The following FBXL17 variants were observed in gnomAD, a reference collection of about 807,000 sequenced individuals.
The protein encoded by FBXL17 is F-box/LRR-repeat protein 17.
FBXL17 carries 22 observed loss-of-function variants against 66.2 expected under a neutral mutation model. That is an observed-to-expected ratio of 0.33 (90% confidence interval 0.24 to 0.47). The LOEUF (loss-of-function observed/expected upper bound fraction) is 0.47, where lower values mean the gene tolerates loss of function less well. FBXL17 is among the 20% of genes least tolerant of loss of function. The pLI is 1.00. For missense variants in FBXL17, 878 were observed against 948.2 expected (o/e 0.93, Z 0.97); for synonymous variants, 474 against 400.5 (o/e 1.18, Z -2.19).
intron 4 of FBXL17, among the ~76,000 whole-genome samples, chr5:108,226,847 A>C (rs1755122673): frequency 6.6e-6 from 1 of 152,180 alleles, no homozygotes; most frequent in African/African-American, 2.4e-5. Flanking sequence ...CTTGCACTGG[A>C]ACTTTCACCA....
At chr5:107,880,234 ATT>A in intron 8 of FBXL17, 1 of 355,586 alleles carries the variant, frequency 2.8e-6, no homozygotes, top group Non-Finnish European at 3.9e-6. Context: ...TGCCTGGCTA[ATT>A]TTTTTTTGTT....
At chr5:107,951,898 G>A (rs1417992906) in intron 7 of FBXL17, among the ~76,000 whole-genome samples, 1 of 152,054 alleles carries the variant, frequency 6.6e-6, no homozygotes, top group Non-Finnish European at 1.5e-5. Context: ...ACCTTTACTT[G>A]TACAAAACCA....
intron 4 of FBXL17, among the ~76,000 whole-genome samples, chr5:108,232,805 A>ATAATATATATATATATAT (rs70996987): frequency 9.5e-6 from 1 of 105,166 alleles, no homozygotes; most frequent in East Asian, 2.5e-4. Flanking sequence ...ATATATATAT[A>ATAATATATATATATATAT]ATATATACTA....
intron 6 of FBXL17, among the ~76,000 whole-genome samples, chr5:108,070,194 C>A (rs965402392): frequency 6.6e-6 from 1 of 152,124 alleles, no homozygotes; most frequent in African/African-American, 2.4e-5. Context: ...TCCTGCAAAG[C>A]CTAATTCTAC....
chr5:108,026,858 A>C (rs1754844714), intron 6 of FBXL17, among the ~76,000 whole-genome samples: 1 of 152,198 alleles, frequency 6.6e-6, no homozygotes, highest in Admixed American at 6.6e-5. Flanking sequence ...TGTTTTAATG[A>C]GACACATCAC....
chr5:108,303,439 G>A (rs1451524035), intron 4 of FBXL17, among the ~76,000 whole-genome samples: 1 of 150,734 alleles, frequency 6.6e-6, no homozygotes, highest in African/African-American at 2.4e-5. Context: ...TTTTTCATAT[G>A]TTGGTCTTCC....
At chr5:108,163,592 G>C (rs13173148) in intron 6 of FBXL17, among the ~76,000 whole-genome samples, 1 of 151,916 alleles carries the variant, frequency 6.6e-6, no homozygotes, top group Non-Finnish European at 1.5e-5. Context: ...TAGTAGAGAC[G>C]GGGTTTCACC....
intron 7 of FBXL17, among the ~76,000 whole-genome samples, chr5:107,987,938 T>G (rs1753083769): frequency 6.6e-6 from 1 of 152,054 alleles, no homozygotes; most frequent in Non-Finnish European, 1.5e-5. Context: ...AGACGATTAT[T>G]TTGTAAATCA....
At chr5:107,968,354 T>G (rs1315577729) in intron 7 of FBXL17, among the ~76,000 whole-genome samples, 1 of 152,130 alleles carries the variant, frequency 6.6e-6, no homozygotes, top group African/African-American at 2.4e-5. Context: ...AAAAAGAAGT[T>G]TACTTATGTA....
At chr5:107,897,286 T>C (rs1749415988) in intron 7 of FBXL17, among the ~76,000 whole-genome samples, 1 of 152,124 alleles carries the variant, frequency 6.6e-6, no homozygotes, top group Non-Finnish European at 1.5e-5. Context: ...GCACTAAGAT[T>C]TAAGGCAGGA....
At chr5:108,261,478 A>G (rs1249033513) in intron 4 of FBXL17, among the ~76,000 whole-genome samples, 1 of 152,128 alleles carries the variant, frequency 6.6e-6, no homozygotes, top group Non-Finnish European at 1.5e-5. Context: ...GAAAATGAGT[A>G]AAAGAATATA....
chr5:108,153,722 G>A (rs753471501), intron 6 of FBXL17, among the ~76,000 whole-genome samples: 1 of 151,984 alleles, frequency 6.6e-6, no homozygotes, highest in Non-Finnish European at 1.5e-5. Flanking sequence ...CTTGAACATG[G>A]AGCTTCATTT....
In FBXL17 at chr5:108,183,262, A is replaced by G. The variant is rs140281167; in HGVS notation, c.1745+2855T>C. Reference sequence around the variant, plus strand: ...CACCATGTTAGCCAGGATGGTCTCAATCTCTTGACCTTGTGATCTGCCCGC... The same window carrying G: ...CACCATGTTAGCCAGGATGGTCTCAGTCTCTTGACCTTGTGATCTGCCCGC... On this transcript the variant is annotated intron_variant, in intron 6 of 8. Coordinates refer to ENST00000542267, the MANE Select transcript of FBXL17 (RefSeq NM_001163315.3). Among the ~76,000 whole-genome samples, 3,154 of 151,980 alleles carry G rather than the reference A, an allele frequency of 0.021. 215 individuals are homozygous for G. In the East Asian group the frequency reaches 0.25, roughly 12 times the overall value.
intron 6 of FBXL17, among the ~76,000 whole-genome samples, chr5:108,159,332 G>C (rs1272655713): frequency 4.6e-5 from 7 of 152,160 alleles, no homozygotes; most frequent in African/African-American, 1.7e-4. Context: ...ATAATCCGTT[G>C]ATAGTGTGAT....
intron 4 of FBXL17, among the ~76,000 whole-genome samples, chr5:108,295,292 T>C (rs1034705030): frequency 6.6e-6 from 1 of 151,836 alleles, no homozygotes; most frequent in Non-Finnish European, 1.5e-5. Context: ...TTTTGAAATA[T>C]AGTAAATTTT....
chr5:108,056,851 T>C (rs967695823), intron 6 of FBXL17, among the ~76,000 whole-genome samples: 3 of 152,240 alleles, frequency 2.0e-5, no homozygotes, highest in Non-Finnish European at 2.9e-5. Flanking sequence ...AGACCATTTC[T>C]GCATACACAC....
At chr5:108,065,968 A>G (rs951096347) in intron 6 of FBXL17, among the ~76,000 whole-genome samples, 1 of 152,194 alleles carries the variant, frequency 6.6e-6, no homozygotes, top group African/African-American at 2.4e-5. Flanking sequence ...GTACATGAGT[A>G]CCTGGGGAAG....
chr5:107,985,604 C>T (rs1020377033), intron 7 of FBXL17, among the ~76,000 whole-genome samples: 3 of 152,076 alleles, frequency 2.0e-5, no homozygotes, highest in African/African-American at 4.8e-5. Context: ...CATAAAATTA[C>T]TTTGATCATC....
intron 6 of FBXL17, among the ~76,000 whole-genome samples, chr5:108,097,905 T>C (rs1365328614): frequency 6.6e-6 from 1 of 152,200 alleles, no homozygotes; most frequent in Non-Finnish European, 1.5e-5. Context: ...AACAGGTTTC[T>C]TATTTATCTA....
Sources: gnomAD v4.1 joint callset for allele counts (sites outside exome capture counted in the v4.1 genomes callset) on GRCh38, gnomAD v4.1.1 for gene constraint, MANE v1.5 for transcripts, NCBI Gene and HGNC (gene_info 2026-07-23, HGNC 2026-07-21) for gene names.